ZNF407: variants seen among roughly 807,000 people sequenced by gnomAD.
The protein encoded by ZNF407 is zinc finger protein 407.
Under a neutral mutation model 131.2 loss-of-function variants are expected in ZNF407, and 17 were observed. That is an observed-to-expected ratio of 0.13 (90% CI 0.09 to 0.19). The LOEUF (loss-of-function observed/expected upper bound fraction) is 0.19, where lower values mean the gene tolerates loss of function less well. ZNF407 is among the 10% of genes least tolerant of loss of function. The pLI is 1.00. For missense variants in ZNF407, 2,681 were observed against 2,830.6 expected (o/e 0.95, Z 1.20); for synonymous variants, 1,156 against 1,062.0 (o/e 1.09, Z -1.72).
At chr18:74,895,591 G>C (rs1478447896) in intron 7 of ZNF407, among the ~76,000 whole-genome samples, 1 of 152,082 alleles carries the variant, frequency 6.6e-6, no homozygotes, top group East Asian at 1.9e-4. Context: ...CATTTCTCCT[G>C]AAAGTTGAGT....
chr18:74,863,628 A>T (rs1970968697), intron 4 of ZNF407, among the ~76,000 whole-genome samples: 1 of 152,140 alleles, frequency 6.6e-6, no homozygotes, highest in Admixed American at 6.5e-5. Flanking sequence ...TTATATTGCT[A>T]CTATCTTTTT....
At chr18:74,851,273 T>C (rs985756477) in intron 4 of ZNF407, among the ~76,000 whole-genome samples, 1 of 152,184 alleles carries the variant, frequency 6.6e-6, no homozygotes, top group Admixed American at 6.5e-5. Context: ...TGCCGCGAGT[T>C]CTCGCTATTC....
intron 3 of ZNF407, among the ~76,000 whole-genome samples, chr18:74,676,619 A>G (rs937827771): frequency 6.0e-5 from 9 of 150,902 alleles, no homozygotes; most frequent in Middle Eastern, 3.2e-3. Flanking sequence ...TATTTTTAGT[A>G]GAGACGGGGT....
chr18:74,628,078 G>A (rs1023720904), intron 1 of ZNF407, among the ~76,000 whole-genome samples: 3 of 151,740 alleles, frequency 2.0e-5, no homozygotes, highest in African/African-American at 7.3e-5. Flanking sequence ...GACCAGAGAT[G>A]TTTTTTCACT....
In ZNF407 at chr18:74,935,893, A is replaced by G. The variant is rs200001646; in HGVS notation, c.5428+15201A>G. ...TTAGGTTTCTGTTTGTTGTCTTTTA[A>G]TGGTTTCCTAATGTATTATCTCCAT... is the stretch of plus-strand genomic sequence containing the variant. On this transcript the variant is annotated intron_variant, in intron 8 of 8. Transcript: ENST00000299687. Among the ~76,000 whole-genome samples, 7 of 152,308 alleles carry G rather than the reference A, an allele frequency of 4.6e-5. No individual in the cohort carries two copies. The East Asian group carries it at 1.4e-3, about 29-fold the overall frequency.
At chr18:75,002,250 C>G (rs1972853942) in intron 8 of ZNF407, among the ~76,000 whole-genome samples, 1 of 152,248 alleles carries the variant, frequency 6.6e-6, no homozygotes, top group Non-Finnish European at 1.5e-5. Flanking sequence ...AATAAATATT[C>G]TGACCACAAG....
intron 8 of ZNF407, among the ~76,000 whole-genome samples, chr18:75,002,399 G>A (rs1269173111): frequency 1.3e-5 from 2 of 152,112 alleles, no homozygotes; most frequent in Non-Finnish European, 2.9e-5. Context: ...GAGATGAGAA[G>A]GAAAGAGTAG....
intron 3 of ZNF407, among the ~76,000 whole-genome samples, chr18:74,659,340 A>T (rs1985613697): frequency 6.6e-6 from 1 of 152,224 alleles, no homozygotes; most frequent in Non-Finnish European, 1.5e-5. Flanking sequence ...GAATCTATGC[A>T]TATAAAATAT....
intron 8 of ZNF407, among the ~76,000 whole-genome samples, chr18:74,958,818 G>A (rs1972306614): frequency 6.6e-6 from 1 of 152,136 alleles, no homozygotes; most frequent in East Asian, 1.9e-4. Context: ...CAGAGGTCTT[G>A]GTTCCTCATC....
At chr18:75,055,742 C>T (rs756939960) in intron 8 of ZNF407, among the ~76,000 whole-genome samples, 3 of 152,098 alleles carry the variant, frequency 2.0e-5, no homozygotes, top group Non-Finnish European at 4.4e-5. Context: ...GAATTCTTTT[C>T]AGGGGTTTTA....
At chr18:74,792,107 A>C (rs1319753846) in intron 4 of ZNF407, among the ~76,000 whole-genome samples, 1 of 152,154 alleles carries the variant, frequency 6.6e-6, no homozygotes, top group African/African-American at 2.4e-5. Context: ...TTTTGGTGAA[A>C]CTGATGTGGA....
chr18:75,038,210 C>G (rs1973331861), intron 8 of ZNF407, among the ~76,000 whole-genome samples: 1 of 152,254 alleles, frequency 6.6e-6, no homozygotes, highest in South Asian at 2.1e-4. Context: ...ATGGCATTAC[C>G]GATTACAAAA....
chr18:74,926,459 A>G (rs1971914739), intron 8 of ZNF407, among the ~76,000 whole-genome samples: 1 of 152,200 alleles, frequency 6.6e-6, no homozygotes, highest in African/African-American at 2.4e-5. Flanking sequence ...TTTTTCTTGA[A>G]TAATATACTG....
Position 74,631,531 on chromosome 18 carries a change from A to G in ZNF407, c.512A>G (p.Lys171Arg). ...GAAAGAGAATCTCCTTTCCCCCCGA[A>G]AGAAATTAGTGTTAGTTGTACCATT... Reference protein sequence around the residue: ...DLERESPFPPKEISVSCTIGN... With the variant: ...DLERESPFPPREISVSCTIGN... Residue 171 changes from lysine to arginine, a missense_variant, in exon 2 of 9, where the codon AAA (lysine) becomes AGA (arginine). Coordinates refer to ENST00000299687, the MANE Select transcript of ZNF407 (RefSeq NM_017757.3). The G allele has an allele frequency of 6.2e-7, 1 of 1,613,860 alleles. No homozygotes were observed. Among genetic ancestry groups the G allele is most frequent in the East Asian group, 2.2e-5 (1 of 44,884 alleles).
rs28585016 is a variant in ZNF407, at chr18:74,911,422, T to G, written c.5250-9092T>G. ...ACTGTATAGATTCCTTTAGCAGCAATTGATATATTTAACATTAAGCCAACC... is the reference window on the plus strand; with the variant it reads ...ACTGTATAGATTCCTTTAGCAGCAAGTGATATATTTAACATTAAGCCAACC... On this transcript the variant is annotated intron_variant, in intron 7 of 8. Transcript: ENST00000299687. Among the ~76,000 whole-genome samples, 177 of 152,348 alleles carry G rather than the reference T, an allele frequency of 1.2e-3. 1 individual carries two copies. The highest frequency in any genetic ancestry group is 3.9e-3 in the African/African-American group (161 of 41,570).
intron 3 of ZNF407, among the ~76,000 whole-genome samples, chr18:74,772,876 A>T (rs898437262): frequency 2.1e-4 from 32 of 152,168 alleles, no homozygotes; most frequent in African/African-American, 7.7e-4. Context: ...AAAATGGAAA[A>T]AGAAAAGTCT....
rs201132695 is a variant in ZNF407 at position 75,063,735 on chromosome 18, G to A, written c.6014G>A (p.Arg2005Lys). The change falls in exon 9 of 9, where the codon AGG becomes AAG. Residue 2005 changes from arginine to lysine, a missense_variant. Physicochemically the swap from Arg to Lys is conservative, Grantham distance 26. This residue lies in a region of ZNF407 where 620 missense variants were observed against 583.1 expected (regional missense o/e 1.06). Coordinates refer to ENST00000299687, the MANE Select transcript of ZNF407 (RefSeq NM_017757.3). The surrounding 1 kb of genome is among the most constrained non-coding windows in gnomAD (Gnocchi z 6.6). ...ACTGAATTAGGGGAGGTGGAGGGCA[G>A]GGCTGGGCTCGAGGAGCAAGGCAGG... ...AVTELGEVEG[R>K]AGLEEQGRPG... 68 of 1,612,186 alleles carry A rather than the reference G, an allele frequency of 4.2e-5. No individual in the cohort carries two copies. The African/African-American group carries it at 8.8e-4, about 21-fold the overall frequency.
chr18:74,744,070 A>G (rs1968612246), intron 3 of ZNF407, among the ~76,000 whole-genome samples: 1 of 152,162 alleles, frequency 6.6e-6, no homozygotes, highest in African/African-American at 2.4e-5. Context: ...TATTTCTTAT[A>G]TAGGAATTTA....
chr18:74,658,791 G>A (rs1599047459), intron 3 of ZNF407, among the ~76,000 whole-genome samples: 1 of 152,192 alleles, frequency 6.6e-6, no homozygotes, highest in Middle Eastern at 3.4e-3. Context: ...TGCTTGGAGT[G>A]TTCTCATAAA....
Sources: gnomAD v4.1 joint callset for allele counts (sites outside exome capture counted in the v4.1 genomes callset) on GRCh38, gnomAD v4.1.1 for gene constraint, gnomAD v4.1.1 regional missense constraint, Gnocchi (gnomAD v3.1) non-coding constraint, MANE v1.5 for transcripts, NCBI Gene and HGNC (gene_info 2026-07-23, HGNC 2026-07-21) for gene names.